RIT2: variants seen among roughly 807,000 people sequenced by gnomAD.
RIT2 encodes GTP-binding protein Rit2.
A neutral mutation model predicts 23.7 loss-of-function variants in RIT2; 24 were observed. That is an observed-to-expected ratio of 1.01 (90% CI 0.73 to 1.43). The LOEUF (loss-of-function observed/expected upper bound fraction) is 1.43, where lower values mean the gene tolerates loss of function less well. Ranked by LOEUF, RIT2 falls within the 40% of genes most tolerant of loss-of-function variation. RIT2 has a pLI of 0.00. For missense variants in RIT2, 236 were observed against 266.9 expected (o/e 0.88, Z 0.81); for synonymous variants, 107 against 91.1 (o/e 1.17, Z -0.99).
intron 1 of RIT2, among the ~76,000 whole-genome samples, chr18:43,038,249 G>C (rs1272972750): frequency 6.9e-6 from 1 of 145,384 alleles, no homozygotes; most frequent in Middle Eastern, 3.4e-3. Flanking sequence ...TCAGGTACAA[G>C]TGGGTCATTT....
chr18:43,032,427 AATTATAT>A (rs1263600635), intron 2 of RIT2, among the ~76,000 whole-genome samples: 2 of 152,122 alleles, frequency 1.3e-5, no homozygotes, highest in African/African-American at 4.8e-5. Flanking sequence ...TGATATCATA[AATTATAT>A]ATTATATTAT....
rs184118507 is a variant in RIT2 at position 42,870,235 on chromosome 18, T to A, written c.426+53337A>T. Among the ~76,000 whole-genome samples the A allele has an allele frequency of 7.9e-5, 12 of 152,318 alleles. No individual in the cohort carries two copies. In the East Asian group the frequency reaches 2.1e-3, roughly 27 times the overall value. ...ATTAGAACTCTTCCTAATACTAGAC[T>A]CAGTTGAGTTATCTTCTGAGGCTGT... is the stretch of plus-strand genomic sequence containing the variant. On this transcript the variant is annotated intron_variant, in intron 4 of 4. Coordinates refer to ENST00000326695, the MANE Select transcript of RIT2 (RefSeq NM_002930.4).
intron 4 of RIT2, among the ~76,000 whole-genome samples, chr18:42,789,611 T>A (rs1342226346): frequency 1.3e-5 from 2 of 152,234 alleles, no homozygotes; most frequent in Non-Finnish European, 2.9e-5. Flanking sequence ...GTCTTCTTTA[T>A]TTTTGTTCTC....
chr18:42,801,872 C>G (rs565315119), intron 4 of RIT2, among the ~76,000 whole-genome samples: 1 of 152,302 alleles, frequency 6.6e-6, no homozygotes, highest in Admixed American at 6.5e-5. Flanking sequence ...GCTAGTGCTA[C>G]CAGATGTTTC....
chr18:42,796,154 T>G (rs529874881), intron 4 of RIT2, among the ~76,000 whole-genome samples: 57 of 152,260 alleles, frequency 3.7e-4, no homozygotes, highest in African/African-American at 1.4e-3. Context: ...GGGTCCACAC[T>G]GCTTTTATGA....
chr18:42,765,153 A>G (rs778524390), intron 4 of RIT2, among the ~76,000 whole-genome samples: 1 of 152,198 alleles, frequency 6.6e-6, no homozygotes, highest in Non-Finnish European at 1.5e-5. Context: ...GCAATTATAG[A>G]AGCAATTAAT....
intron 1 of RIT2, among the ~76,000 whole-genome samples, chr18:43,050,437 G>T (rs79500012): frequency 0.01 from 1,577 of 152,240 alleles, 20 homozygotes; most frequent in Non-Finnish European, 0.015. Context: ...TGTGAAATCT[G>T]AATGAGAAAA....
intron 4 of RIT2, among the ~76,000 whole-genome samples, chr18:42,876,169 T>C (rs1287189497): frequency 1.3e-5 from 2 of 151,990 alleles, no homozygotes; most frequent in Non-Finnish European, 2.9e-5. Context: ...AGTTCAGCAC[T>C]CTAACTTTTA....
chr18:43,091,501 T>C (rs913216056), intron 1 of RIT2, among the ~76,000 whole-genome samples: 5 of 152,094 alleles, frequency 3.3e-5, no homozygotes, highest in African/African-American at 1.2e-4. Context: ...TGGCCCCATT[T>C]GGAAACCCCT....
chr18:42,767,366 A>C (rs1003766333), intron 4 of RIT2, among the ~76,000 whole-genome samples: 1 of 152,108 alleles, frequency 6.6e-6, no homozygotes, highest in Non-Finnish European at 1.5e-5. Flanking sequence ...GGAGCTTTAA[A>C]ATTTGACTGC....
At chr18:42,767,553 A>G (rs1913453607) in intron 4 of RIT2, among the ~76,000 whole-genome samples, 1 of 152,150 alleles carries the variant, frequency 6.6e-6, no homozygotes, top group Non-Finnish European at 1.5e-5. Context: ...CTCAGATGAG[A>G]CTTCGGATAG....
chr18:43,094,375 T>C (rs1292827596), intron 1 of RIT2, among the ~76,000 whole-genome samples: 1 of 151,986 alleles, frequency 6.6e-6, no homozygotes, highest in East Asian at 1.9e-4. Flanking sequence ...TCTCATAATG[T>C]GGATCAGTGG....
chr18:43,063,517 C>T (rs935417870), intron 1 of RIT2, among the ~76,000 whole-genome samples: 1 of 152,090 alleles, frequency 6.6e-6, no homozygotes, highest in Non-Finnish European at 1.5e-5. Context: ...ATTTTACTCC[C>T]CTTTTGAAAT....
chr18:42,923,805 A>C (rs1446693547), intron 3 of RIT2, 42 bp from the exon 4 acceptor site: 14 of 1,455,020 alleles, frequency 9.6e-6, no homozygotes, highest in Non-Finnish European at 1.3e-5. Flanking sequence ...GGCTTTCAAT[A>C]TAGCTAATTA....
chr18:43,100,082 A>G (rs1913646737), intron 1 of RIT2, among the ~76,000 whole-genome samples: 1 of 152,138 alleles, frequency 6.6e-6, no homozygotes, highest in Non-Finnish European at 1.5e-5. Context: ...ATAATCAGTT[A>G]TTACATTGGA....
intron 4 of RIT2, among the ~76,000 whole-genome samples, chr18:42,837,999 G>A (rs367750613): frequency 2.0e-5 from 3 of 152,060 alleles, no homozygotes; most frequent in African/African-American, 7.2e-5. Flanking sequence ...GGGAGAAAAA[G>A]ATGTCATGGC....
intron 4 of RIT2, among the ~76,000 whole-genome samples, chr18:42,893,378 T>C (rs540570): frequency 0.99 from 150,671 of 152,326 alleles, 74,522 homozygotes; most frequent in East Asian, 1. Context: ...GATTCAGTGT[T>C]GGATGTGGGT....
At chr18:42,928,548 G>A (rs564245326) in intron 3 of RIT2, among the ~76,000 whole-genome samples, 2 of 151,910 alleles carry the variant, frequency 1.3e-5, no homozygotes, top group East Asian at 1.9e-4. Context: ...GTTTTTGGAG[G>A]GTGGCATAGC....
chr18:42,754,395 C>T (rs530760840), intron 4 of RIT2, among the ~76,000 whole-genome samples: 16 of 152,232 alleles, frequency 1.1e-4, no homozygotes, highest in African/African-American at 3.9e-4. Flanking sequence ...GTGTGTAGGT[C>T]TCTTTAGAAC....
Sources: allele counts gnomAD v4.1 joint callset (sites outside exome capture counted in the v4.1 genomes callset), GRCh38; gene constraint gnomAD v4.1.1; transcripts MANE v1.5; gene names NCBI Gene and HGNC (gene_info 2026-07-23, HGNC 2026-07-21).